Variants in LRRK1 observed in about 807,000 individuals in gnomAD.
LRRK1 encodes leucine rich repeat kinase 1.
LRRK1 carries 113 observed loss-of-function variants against 209.1 expected under a neutral mutation model. The observed-to-expected ratio is 0.54, with a 90% CI of 0.46 to 0.63. LRRK1 has a LOEUF of 0.63. Among genes scored for constraint, LRRK1 ranks in the 30% least tolerant of loss-of-function variants. LRRK1 has a pLI of 0.00. For missense variants in LRRK1, 2,284 were observed against 2,632.2 expected (o/e 0.87, Z 2.89); for synonymous variants, 1,144 against 1,099.7 (o/e 1.04, Z -0.80).
chr15:101,068,968 C>A lies in LRRK1; in HGVS notation c.*120C>A. 4 of 984,206 alleles carry A rather than the reference C, an allele frequency of 4.1e-6. No individual in the cohort carries two copies. Among genetic ancestry groups the A allele is most frequent in the Non-Finnish European group, 5.8e-6 (4 of 692,488 alleles). 61.0% of individuals were successfully genotyped at this position (984,206 alleles called of 1,614,324 possible). On this transcript the variant is annotated 3_prime_UTR_variant, in exon 34 of 34. Coordinates refer to ENST00000388948, the MANE Select transcript of LRRK1 (RefSeq NM_024652.6). ...AAGACAGATGGAGTTCTCCCCTGAA[C>A]TCCTTGCTGCTAAGAAGTGCTGAGA...
At chr15:100,961,001 C>T (rs1323739740) in intron 2 of LRRK1, among the ~76,000 whole-genome samples, 5 of 152,242 alleles carry the variant, frequency 3.3e-5, no homozygotes, top group African/African-American at 7.2e-5. Flanking sequence ...TGTCTTAGTT[C>T]GTTTTCTGTT....
intron 2 of LRRK1, among the ~76,000 whole-genome samples, chr15:100,962,197 C>CA (rs1009879120): frequency 3.3e-5 from 5 of 151,900 alleles, no homozygotes; most frequent in African/African-American, 1.2e-4. Flanking sequence ...CAAGTTACTG[C>CA]AAAAAATATA....
At chr15:100,972,408 GT>G (rs1425841856) in intron 2 of LRRK1, among the ~76,000 whole-genome samples, 1 of 147,472 alleles carries the variant, frequency 6.8e-6, no homozygotes, top group African/African-American at 2.5e-5. Flanking sequence ...GTGTGTTTTG[GT>G]ATGTTTGAAG....
At chr15:101,055,603 C>T (rs1044761300) in intron 27 of LRRK1, among the ~76,000 whole-genome samples, 4 of 152,150 alleles carry the variant, frequency 2.6e-5, no homozygotes, top group Admixed American at 2.0e-4. Context: ...GAGGAGCAGA[C>T]AGAATAAGGA....
intron 6 of LRRK1, among the ~76,000 whole-genome samples, chr15:101,006,649 T>G (rs2032972471): frequency 6.6e-6 from 1 of 152,222 alleles, no homozygotes; most frequent in African/African-American, 2.4e-5. Flanking sequence ...ATATTATTCT[T>G]CAGGGATACA....
chr15:101,037,912 T>G lies in LRRK1; in HGVS notation c.2964-8069T>G, dbSNP rs150141214. On this transcript the variant is annotated intron_variant, in intron 20 of 33. Transcript: ENST00000388948. ...AGAAGTCATTATACAAAAAAGATAC[T>G]TGCACACACATGTTTATAACAGCAC... 7.7e-4 allele frequency among the ~76,000 whole-genome samples: 118 copies of G among 152,324 alleles called. No individual in the cohort carries two copies. In the East Asian group the frequency reaches 0.018, roughly 23 times the overall value.
intron 2 of LRRK1, among the ~76,000 whole-genome samples, chr15:100,952,321 A>G (rs372575927): frequency 6.6e-6 from 1 of 152,234 alleles, no homozygotes; most frequent in East Asian, 1.9e-4. Context: ...TGATACGTGA[A>G]TTATCTCTCA....
intron 20 of LRRK1, among the ~76,000 whole-genome samples, chr15:101,044,778 A>G (rs1444356765): frequency 6.6e-6 from 1 of 152,262 alleles, no homozygotes; most frequent in Non-Finnish European, 1.5e-5. Context: ...TGAGAGACCC[A>G]GGATGCATGA....
At chr15:101,007,728 G>T (rs1184882911) in intron 6 of LRRK1, among the ~76,000 whole-genome samples, 3 of 152,158 alleles carry the variant, frequency 2.0e-5, no homozygotes, top group Admixed American at 6.5e-5. Flanking sequence ...GATTGGTAGG[G>T]GTGCAAAGTT....
Position 101,022,015 on chromosome 15 carries a change from C to A in LRRK1, c.1852+58C>A. On this transcript the variant is annotated intron_variant, in intron 14 of 33. Coordinates refer to ENST00000388948, the MANE Select transcript of LRRK1 (RefSeq NM_024652.6). This position sits in a 1 kb window ranked among gnomAD's most constrained non-coding sequence, Gnocchi z 4.0. ...ACCTCTTGGAAAGACAACTCCAGTC[C>A]ACTTGTTAAGTTCTGGGGGTGGAGA... 7.9e-7 allele frequency: 1 copy of A among 1,258,448 alleles called. No homozygotes were observed. Among genetic ancestry groups the A allele is most frequent in the Non-Finnish European group, 1.1e-6 (1 of 873,848 alleles). 78.0% of individuals were successfully genotyped at this position (1,258,448 alleles called of 1,614,324 possible).
intron 2 of LRRK1, among the ~76,000 whole-genome samples, chr15:100,947,193 G>T (rs532984212): frequency 6.6e-6 from 1 of 151,986 alleles, no homozygotes; most frequent in African/African-American, 2.4e-5. Context: ...TCCTGACCTC[G>T]TGATCCGCCC....
rs2036723034 is a variant in LRRK1, at chr15:101,069,867, A to C, written c.*1019A>C. 1 of 152,368 alleles carries C rather than the reference A, an allele frequency of 6.6e-6. No individual in the cohort carries two copies. Among genetic ancestry groups the C allele is most frequent in the African/African-American group, 2.4e-5 (1 of 41,454 alleles). The allele number at this position is 152,368 out of a possible 1,614,324, so 9.4% of individuals were successfully genotyped here. On this transcript the variant is annotated 3_prime_UTR_variant, in exon 34 of 34. Transcript: ENST00000388948. ...TACAACAGCAAACATTTTATAAACT[A>C]TGCACATGCATTACACACATGCACA... is the stretch of plus-strand genomic sequence containing the variant.
chr15:100,923,514 C>T (rs924705103), intron 1 of LRRK1, among the ~76,000 whole-genome samples: 1 of 152,186 alleles, frequency 6.6e-6, no homozygotes, highest in African/African-American at 2.4e-5. Flanking sequence ...GCTATAAGAA[C>T]AAGGATAGGC....
chr15:100,973,892 C>CA lies in LRRK1; in HGVS notation c.187dup (p.Arg63LysfsTer59). On this transcript the variant is annotated frameshift_variant, in exon 3 of 34. Coordinates refer to ENST00000388948, the MANE Select transcript of LRRK1 (RefSeq NM_024652.6). LOFTEE classifies it high-confidence loss of function. Reference sequence around the variant, plus strand: ...GGACGGAAGGCATCCGCGCCGCGTACAGGCGGGGAGACCGCGGCGGCGCCC... The same window carrying CA: ...GGACGGAAGGCATCCGCGCCGCGTACAAGGCGGGGAGACCGCGGCGGCGCCC... The CA allele has an allele frequency of 1.6e-6, 2 of 1,275,860 alleles. No homozygotes were observed. Among genetic ancestry groups the CA allele is most frequent in the Non-Finnish European group, 2.0e-6 (2 of 1,005,718 alleles). 79.0% of individuals were successfully genotyped at this position (1,275,860 alleles called of 1,614,324 possible).
intron 32 of LRRK1, among the ~76,000 whole-genome samples, 199 bp from the exon 33 acceptor site, chr15:101,066,441 G>A (rs2036535586): frequency 6.6e-6 from 1 of 152,242 alleles, no homozygotes. Flanking sequence ...CACAAGGAAA[G>A]CCACAGTCAA....
chr15:100,987,978 G>A (rs1300412816), intron 4 of LRRK1, among the ~76,000 whole-genome samples: 4 of 152,046 alleles, frequency 2.6e-5, no homozygotes, highest in Admixed American at 1.3e-4. Context: ...TGCTGGATAC[G>A]CCATTTTTAA....
At position 101,051,876 on chromosome 15, in the gene LRRK1, T is replaced by A. The variant is rs564175632; in HGVS notation, c.3605T>A (p.Phe1202Tyr). The A allele has an allele frequency of 5.2e-5, 84 of 1,614,050 alleles. 1 individual carries two copies. The Admixed American group carries it at 1.4e-3, about 26-fold the overall frequency. The change falls in exon 24 of 34, where the codon TTC becomes TAC. Residue 1202 changes from phenylalanine to tyrosine, a missense_variant. Phe to Tyr is a conservative substitution (Grantham distance 22). Coordinates refer to ENST00000388948, the MANE Select transcript of LRRK1 (RefSeq NM_024652.6). The stretch of plus-strand genomic sequence containing the variant: ...GTCCTGACGGCCATCGAGCGGGACT[T>A]CATCTCCTGCCCCAGACACCCGGAC... ...DCVLTAIERD[F>Y]ISCPRHPDLP...
chr15:100,919,566 C>G lies in LRRK1; in HGVS notation c.-123+115C>G, dbSNP rs1166199964. On this transcript the variant is annotated intron_variant, in intron 1 of 33. Transcript: ENST00000388948. The surrounding 1 kb of genome is among the most constrained non-coding windows in gnomAD (Gnocchi z 5.8). Reference sequence around the variant, plus strand: ...GGGAGCCTCGGCCTCTGCCTGCCCGCGGGCCCCTGCGCTCCGGGCGGCCGC... The same window carrying G: ...GGGAGCCTCGGCCTCTGCCTGCCCGGGGGCCCCTGCGCTCCGGGCGGCCGC... 1 of 147,660 alleles carries G rather than the reference C, an allele frequency of 6.8e-6. No homozygotes were observed. Among genetic ancestry groups the G allele is most frequent in the South Asian group, 2.1e-4 (1 of 4,806 alleles). The allele number at this position is 147,660 out of a possible 1,614,324, so 9.1% of individuals were successfully genotyped here.
intron 1 of LRRK1, among the ~76,000 whole-genome samples, chr15:100,924,112 T>C (rs967534979): frequency 3.3e-5 from 5 of 152,194 alleles, no homozygotes; most frequent in African/African-American, 1.2e-4. Flanking sequence ...TAACCTTAAC[T>C]ATGTCTGCCC....
Sources: allele counts gnomAD v4.1 joint callset (sites outside exome capture counted in the v4.1 genomes callset), GRCh38; gene constraint gnomAD v4.1.1; non-coding constraint Gnocchi (gnomAD v3.1); transcripts MANE v1.5; gene names NCBI Gene and HGNC (gene_info 2026-07-23, HGNC 2026-07-21).